Variants in ZNF75A observed in about 807,000 individuals in gnomAD.
ZNF75A encodes zinc finger protein 75A.
Under a neutral mutation model 46.3 loss-of-function variants are expected in ZNF75A, and 36 were observed. The observed-to-expected ratio is 0.78, with a 90% CI of 0.60 to 1.03. The LOEUF (loss-of-function observed/expected upper bound fraction) is 1.03, where lower values mean the gene tolerates loss of function less well. Among genes scored for constraint, ZNF75A ranks in the 50% least tolerant of loss-of-function variants. The pLI, the probability that ZNF75A is intolerant of heterozygous loss-of-function variation, is 0.00. For missense variants in ZNF75A, 595 were observed against 551.3 expected (o/e 1.08, Z -0.79); for synonymous variants, 234 against 189.9 (o/e 1.23, Z -1.91).
chr16:3,316,246 C>G (rs1961194784), intron 5 of ZNF75A: 1 of 152,142 alleles, frequency 6.6e-6, no homozygotes, highest in Admixed American at 6.5e-5. Context: ...ATCCCTAGCC[C>G]TCGAGCAGTG....
rs1961377452 is a variant in ZNF75A at position 3,318,268 on chromosome 16, TTTTC to T, written c.*407_*410del. 1 of 990,360 alleles carries T rather than the reference TTTTC, an allele frequency of 1.0e-6. No homozygotes were observed. Among genetic ancestry groups the T allele is most frequent in the African/African-American group, 1.7e-5 (1 of 57,510 alleles). The allele number at this position is 990,360 out of a possible 1,614,324, so 61.3% of individuals were successfully genotyped here. On this transcript the variant is annotated 3_prime_UTR_variant, in exon 7 of 7. Coordinates refer to ENST00000669516, the MANE Select transcript of ZNF75A (RefSeq NM_001302109.2). ...AAAGTGTTCCAGGAACCAAATTGGA[TTTTC>T]TTTCTTTTGTCATTGGACACGGTTT...
At chr16:3,313,933 A>G (rs1180105198) in intron 5 of ZNF75A, among the ~76,000 whole-genome samples, 1 of 152,056 alleles carries the variant, frequency 6.6e-6, no homozygotes, top group East Asian at 1.9e-4. Flanking sequence ...TGAATTTGTC[A>G]AGTTCATTTT....
chr16:3,307,815 C>G (rs1162516386), intron 1 of ZNF75A: 1 of 152,060 alleles, frequency 6.6e-6, no homozygotes, highest in Non-Finnish European at 1.5e-5. Context: ...CAGGCATGAG[C>G]CACTGCACCT....
At position 3,315,604 on chromosome 16, in the gene ZNF75A, C is replaced by T. The variant is rs576336139; in HGVS notation, c.824-1308C>T. Among the ~76,000 whole-genome samples, 21 of 152,270 alleles carry T rather than the reference C, an allele frequency of 1.4e-4. No homozygotes were observed. In the East Asian group the frequency reaches 4.0e-3, roughly 29 times the overall value. ...TCCTGACTGCAACCATGTTTCAGCC[C>T]CTTGCACTGCCAGCATCCTGATCTA... On this transcript the variant is annotated intron_variant, in intron 5 of 6. Transcript: ENST00000669516.
In ZNF75A at chr16:3,305,517, C is replaced by G. The variant is rs1417841609; in HGVS notation, c.-243C>G. The G allele has an allele frequency of 3.3e-5, 5 of 152,340 alleles. No homozygotes were observed. Among genetic ancestry groups the G allele is most frequent in the African/African-American group, 9.6e-5 (4 of 41,482 alleles). 9.4% of individuals were successfully genotyped at this position (152,340 alleles called of 1,614,324 possible). A position where few individuals can be genotyped will look rare whatever the true frequency, so the allele number is the denominator to read the frequency against. On this transcript the variant is annotated 5_prime_UTR_variant, in exon 1 of 7. Transcript: ENST00000669516. The stretch of plus-strand genomic sequence containing the variant: ...CCGGCGCTCTGGCTCTGTACCTGGA[C>G]AGGGCTGCGGTAGGCCAGCGGTGGG...
chr16:3,311,620 T>C (rs1255447953), intron 2 of ZNF75A, 133 bp from the exon 3 acceptor site: 1 of 245,756 alleles, frequency 4.1e-6, no homozygotes, highest in Non-Finnish European at 6.5e-6. Context: ...CCAGTATCTC[T>C]TTAAGCCTTT....
At position 3,318,823 on chromosome 16, in the gene ZNF75A, T is replaced by C. The variant is rs547904343; in HGVS notation, c.*954T>C. On this transcript the variant is annotated 3_prime_UTR_variant, in exon 7 of 7. Coordinates refer to ENST00000669516, the MANE Select transcript of ZNF75A (RefSeq NM_001302109.2). ...TGGACATGTAGTCAGCAGGAGACGG[T>C]TCCCTAAATAAAAGATTTGGGCACT... 38 of 985,270 alleles carry C rather than the reference T, an allele frequency of 3.9e-5. No homozygotes were observed. The highest frequency in any genetic ancestry group is 4.6e-5 in the Non-Finnish European group (38 of 829,942). 61.0% of individuals were successfully genotyped at this position (985,270 alleles called of 1,614,324 possible). A position where few individuals can be genotyped will look rare whatever the true frequency, so the allele number is the denominator to read the frequency against.
At chr16:3,320,371 A>G (rs899835479), downstream of ZNF75A, among the ~76,000 whole-genome samples, 1 of 152,170 alleles carries the variant, frequency 6.6e-6, no homozygotes, top group African/African-American at 2.4e-5. Flanking sequence ...TAGAGCTTGG[A>G]AAAGGGCAGC....
downstream of ZNF75A, among the ~76,000 whole-genome samples, chr16:3,320,173 G>GA (rs1039724172): frequency 4.6e-4 from 70 of 152,170 alleles, no homozygotes; most frequent in African/African-American, 1.6e-3. Context: ...AGCCTCCCAA[G>GA]TTGCTGGGAC....
At chr16:3,316,823 G>A (rs554513050) in intron 5 of ZNF75A, 89 bp from the exon 6 acceptor site, 1 of 843,858 alleles carries the variant, frequency 1.2e-6, no homozygotes, top group East Asian at 2.5e-5. Context: ...ATTGTAAAAT[G>A]TCTTTGGTCA....
chr16:3,314,397 A>T (rs1229448942), intron 5 of ZNF75A, among the ~76,000 whole-genome samples: 1 of 152,170 alleles, frequency 6.6e-6, no homozygotes, highest in Non-Finnish European at 1.5e-5. Flanking sequence ...CCTCAGTCCC[A>T]GTTGAGCTGT....
In ZNF75A at chr16:3,317,592, A is replaced by C. The variant is rs372639526; in HGVS notation, c.1337A>C (p.Asn446Thr). The change falls in exon 7 of 7, where the codon AAT becomes ACT. Residue 446 changes from asparagine (N) to threonine (T), a missense_variant. By Grantham distance (65) the Asn-to-Thr change is moderately conservative. Coordinates refer to ENST00000669516, the MANE Select transcript of ZNF75A (RefSeq NM_001302109.2). ...DKRFRWSSDL[N>T]KHLTTHQGIK... ...AGGTTTAGATGGAGTTCAGATCTTAATAAGCACTTAACAACACACCAAGGA... is the reference window on the plus strand; with the variant it reads ...AGGTTTAGATGGAGTTCAGATCTTACTAAGCACTTAACAACACACCAAGGA... 9.3e-6 allele frequency: 15 copies of C among 1,614,098 alleles called. No homozygotes were observed. The highest frequency in any genetic ancestry group is 2.2e-5 in the South Asian group (2 of 91,080).
intron 1 of ZNF75A, 34 bp downstream of exon 1, chr16:3,305,677 C>T (rs1206637068): frequency 1.3e-5 from 2 of 152,260 alleles, no homozygotes; most frequent in Non-Finnish European, 2.9e-5. Context: ...ATGGCTTCGA[C>T]CCTGGAGCCG....
In ZNF75A at chr16:3,317,710, C is replaced by A; in HGVS notation, c.1455C>A (p.Pro485=). 1 of 1,614,172 alleles carries A rather than the reference C, an allele frequency of 6.2e-7. No homozygotes were observed. The highest frequency in any genetic ancestry group is 8.5e-7 in the Non-Finnish European group (1 of 1,180,034). ...THQRTHTGEK[P]FTCHECGKKF... ...AAAGAACTCATACAGGAGAAAAGCC[C>A]TTCACATGTCATGAATGTGGAAAAA... The change falls in exon 7 of 7, where the codon CCC becomes CCA. Residue 485 remains proline (P), a synonymous_variant. Transcript: ENST00000669516.
In ZNF75A at chr16:3,318,476, T is replaced by C. The variant is rs1371228490; in HGVS notation, c.*607T>C. The C allele has an allele frequency of 2.0e-6, 2 of 985,354 alleles. No homozygotes were observed. Among genetic ancestry groups the C allele is most frequent in the East Asian group, 1.1e-4 (1 of 8,804 alleles). 61.0% of individuals were successfully genotyped at this position (985,354 alleles called of 1,614,324 possible). ...GGTGATGTTTGGAAAATAGAAGACATCTCTAATGGAATCATGGGGGAAACG... is the reference window on the plus strand; with the variant it reads ...GGTGATGTTTGGAAAATAGAAGACACCTCTAATGGAATCATGGGGGAAACG... On this transcript the variant is annotated 3_prime_UTR_variant, in exon 7 of 7. Coordinates refer to ENST00000669516, the MANE Select transcript of ZNF75A (RefSeq NM_001302109.2).
At chr16:3,322,144 C>G (rs1211363083), downstream of ZNF75A, among the ~76,000 whole-genome samples, 1 of 152,144 alleles carries the variant, frequency 6.6e-6, no homozygotes, top group Admixed American at 6.6e-5. Context: ...ACTGAATTCT[C>G]TCCTATGTAG....
At position 3,308,379 on chromosome 16, in the gene ZNF75A, G is replaced by A. The variant is rs972271795; in HGVS notation, c.-50G>A. On this transcript the variant is annotated 5_prime_UTR_variant, in exon 2 of 7. It adds an upstream start codon to the 5' untranslated region. Transcript: ENST00000669516. Reference sequence around the variant, plus strand: ...CCAGACAGGATCTCATTTGTTAAACGTGGTACCAATTGGGTGTCTTAACAC... The same window carrying A: ...CCAGACAGGATCTCATTTGTTAAACATGGTACCAATTGGGTGTCTTAACAC... 3.1e-5 allele frequency: 30 copies of A among 978,082 alleles called. No homozygotes were observed. Among genetic ancestry groups the A allele is most frequent in the African/African-American group, 7.0e-5 (4 of 56,994 alleles). 60.6% of individuals were successfully genotyped at this position (978,082 alleles called of 1,614,324 possible).
At chr16:3,312,789 G>A in intron 4 of ZNF75A, 21 bp downstream of exon 4, 1 of 1,120,042 alleles carries the variant, frequency 8.9e-7, no homozygotes, top group Non-Finnish European at 1.1e-6. Context: ...CTTTCCAGCT[G>A]TTGAGGGCTA....
downstream of ZNF75A, among the ~76,000 whole-genome samples, chr16:3,319,277 C>A (rs1230525428): frequency 6.6e-6 from 1 of 152,118 alleles, no homozygotes. Context: ...CCACGCCTGG[C>A]TAATTTTTTG....
Sources: allele counts gnomAD v4.1 joint callset (sites outside exome capture counted in the v4.1 genomes callset), GRCh38; gene constraint gnomAD v4.1.1; transcripts MANE v1.5; gene names NCBI Gene and HGNC (gene_info 2026-07-23, HGNC 2026-07-21).